Variants in CAMKMT observed in about 807,000 individuals in gnomAD.
CAMKMT encodes calmodulin-lysine N-methyltransferase, also known as CaM KMT.
CAMKMT carries 53 observed loss-of-function variants against 48.0 expected under a neutral mutation model. The ratio of observed to expected loss-of-function variants is 1.10; its 90% CI spans 0.89 to 1.39. The LOEUF (loss-of-function observed/expected upper bound fraction) is 1.39. CAMKMT is among the 40% of genes most tolerant of loss of function. The probability of loss-of-function intolerance (pLI) is 0.00; values close to 1 mark genes in which losing one functional copy is unlikely to be tolerated. For synonymous variants in CAMKMT, 165 were observed against 152.3 expected (o/e 1.08, Z -0.61); for missense variants, 428 against 402.7 (o/e 1.06, Z -0.54).
At chr2:44,575,703 C>G (rs1035674986) in intron 3 of CAMKMT, among the ~76,000 whole-genome samples, 3 of 151,970 alleles carry the variant, frequency 2.0e-5, no homozygotes, top group African/African-American at 7.2e-5. Context: ...AACCCCATCT[C>G]TCTACTAATA....
At position 44,444,971 on chromosome 2, in the gene CAMKMT, A is replaced by G. The variant is rs545378044; in HGVS notation, c.376+54666A>G. Among the ~76,000 whole-genome samples, 133 of 152,312 alleles carry G rather than the reference A, an allele frequency of 8.7e-4. 1 individual carries two copies. The highest frequency in any genetic ancestry group is 3.2e-3 in the African/African-American group (131 of 41,554). ...CAAATTCAATTCCAAGCTTTGGGTCAAAGCCCTGGGAAAGAAAACTGGATC... is the reference window on the plus strand; with the variant it reads ...CAAATTCAATTCCAAGCTTTGGGTCGAAGCCCTGGGAAAGAAAACTGGATC... On this transcript the variant is annotated intron_variant, in intron 3 of 10. Coordinates refer to ENST00000378494, the MANE Select transcript of CAMKMT (RefSeq NM_024766.5).
At chr2:44,421,917 A>G (rs1280465443) in intron 3 of CAMKMT, among the ~76,000 whole-genome samples, 1 of 152,214 alleles carries the variant, frequency 6.6e-6, no homozygotes, top group Admixed American at 6.5e-5. Flanking sequence ...ATATCAAGCA[A>G]TTCTCAGAGT....
chr2:44,768,838 A>G (rs553675141), intron 10 of CAMKMT, among the ~76,000 whole-genome samples: 19 of 152,202 alleles, frequency 1.2e-4, no homozygotes, highest in East Asian at 5.8e-4. Flanking sequence ...CTGCTCCCCA[A>G]TGGAGGAGCG....
intron 3 of CAMKMT, among the ~76,000 whole-genome samples, chr2:44,693,603 C>T (rs755573325): frequency 5.3e-5 from 8 of 152,186 alleles, no homozygotes; most frequent in Non-Finnish European, 1.2e-4. Flanking sequence ...CCACAGGACC[C>T]GAAACATTGT....
At chr2:44,497,898 G>T (rs112175824) in intron 3 of CAMKMT, among the ~76,000 whole-genome samples, 7 of 152,236 alleles carry the variant, frequency 4.6e-5, no homozygotes, top group African/African-American at 1.7e-4. Context: ...GAAATCTGGA[G>T]CAGGGAAGTT....
chr2:44,735,332 A>G (rs1452198348), intron 7 of CAMKMT, among the ~76,000 whole-genome samples: 1 of 152,068 alleles, frequency 6.6e-6, no homozygotes, highest in Non-Finnish European at 1.5e-5. Context: ...GAGCGTTCAG[A>G]CCATTTTTGT....
At position 44,585,289 on chromosome 2, in the gene CAMKMT, G is replaced by T. The variant is rs114261423; in HGVS notation, c.377-118994G>T. On this transcript the variant is annotated intron_variant, in intron 3 of 10. Transcript: ENST00000378494. ...TGCAAAGAGCAAATTGTACCAGATC[G>T]ATTTAATTTCCTTCATGAAGAGATT... 3.9e-5 allele frequency among the ~76,000 whole-genome samples: 6 copies of T among 152,136 alleles called. No homozygotes were observed. In the South Asian group the frequency reaches 1.0e-3, roughly 26 times the overall value.
intron 3 of CAMKMT, among the ~76,000 whole-genome samples, chr2:44,680,971 C>T (rs528823041): frequency 2.0e-5 from 3 of 152,168 alleles, no homozygotes; most frequent in Non-Finnish European, 4.4e-5. Flanking sequence ...CCTTTAACTT[C>T]TTGTCTTGTG....
chr2:44,746,613 C>T (rs910251507), intron 8 of CAMKMT, among the ~76,000 whole-genome samples: 1 of 152,074 alleles, frequency 6.6e-6, no homozygotes, highest in Non-Finnish European at 1.5e-5. Flanking sequence ...TCCTAAATAA[C>T]TTGTAAAATG....
chr2:44,499,691 C>A (rs755841107), intron 3 of CAMKMT, among the ~76,000 whole-genome samples: 23 of 152,302 alleles, frequency 1.5e-4, no homozygotes, highest in Non-Finnish European at 2.4e-4. Flanking sequence ...CTTGGGGTAT[C>A]CCAGATCTTC....
chr2:44,667,152 T>C (rs1251953868), intron 3 of CAMKMT, among the ~76,000 whole-genome samples: 1 of 152,180 alleles, frequency 6.6e-6, no homozygotes, highest in African/African-American at 2.4e-5. Context: ...GAGCCTCCAA[T>C]TCAGACCACC....
Position 44,769,116 on chromosome 2 carries a change from G to A in CAMKMT, c.894+2555G>A, listed in dbSNP as rs1680991434. Among the ~76,000 whole-genome samples, 3 of 148,010 alleles carry A rather than the reference G, an allele frequency of 2.0e-5. No homozygotes were observed. In the South Asian group the frequency reaches 6.5e-4, roughly 32 times the overall value. On this transcript the variant is annotated intron_variant, in intron 10 of 10. Coordinates refer to ENST00000378494, the MANE Select transcript of CAMKMT (RefSeq NM_024766.5). Reference sequence around the variant, plus strand: ...AGGGGAAAAAATTAGTTACTTGGCAGTAGTGCAAGGTAAAAAAAAAAAAAA... The same window carrying A: ...AGGGGAAAAAATTAGTTACTTGGCAATAGTGCAAGGTAAAAAAAAAAAAAA...
chr2:44,587,492 A>G (rs1266686758), intron 3 of CAMKMT, among the ~76,000 whole-genome samples: 1 of 77,900 alleles, frequency 1.3e-5, no homozygotes, highest in Non-Finnish European at 2.4e-5. Flanking sequence ...CTCTCTCTCC[A>G]CGGTCTCCTT....
intron 1 of CAMKMT, among the ~76,000 whole-genome samples, chr2:44,367,889 A>G (rs1433016307): frequency 6.6e-6 from 1 of 152,294 alleles, no homozygotes; most frequent in Admixed American, 6.5e-5. Context: ...TTTTCAACCA[A>G]TACTTTTGTG....
intron 3 of CAMKMT, among the ~76,000 whole-genome samples, chr2:44,506,508 C>A (rs1405376927): frequency 6.6e-6 from 1 of 152,062 alleles, no homozygotes; most frequent in African/African-American, 2.4e-5. Flanking sequence ...TGGTTTTAGT[C>A]AATATCTGTA....
chr2:44,513,186 A>G (rs1670654559), intron 3 of CAMKMT, among the ~76,000 whole-genome samples: 2 of 152,132 alleles, frequency 1.3e-5, no homozygotes, highest in South Asian at 2.1e-4. Flanking sequence ...GGCCTACTGC[A>G]GACAGCCAAA....
intron 3 of CAMKMT, among the ~76,000 whole-genome samples, chr2:44,469,061 G>A (rs1668277179): frequency 6.6e-6 from 1 of 152,108 alleles, no homozygotes; most frequent in Non-Finnish European, 1.5e-5. Flanking sequence ...GGAGAGGTTG[G>A]TTAATGTATA....
intron 3 of CAMKMT, among the ~76,000 whole-genome samples, chr2:44,662,572 T>G (rs896389085): frequency 6.6e-6 from 1 of 152,200 alleles, no homozygotes; most frequent in Admixed American, 6.5e-5. Context: ...TGTTTTCTGT[T>G]TTTGTCAGTG....
At chr2:44,665,533 GAACCA>G (rs1674918993) in intron 3 of CAMKMT, among the ~76,000 whole-genome samples, 1 of 152,190 alleles carries the variant, frequency 6.6e-6, no homozygotes, top group Non-Finnish European at 1.5e-5. Context: ...CATTGCCCTT[GAACCA>G]GGCAATGATA....
Sources: gnomAD v4.1 joint callset for allele counts (sites outside exome capture counted in the v4.1 genomes callset) on GRCh38, gnomAD v4.1.1 for gene constraint, MANE v1.5 for transcripts, NCBI Gene and HGNC (gene_info 2026-07-23, HGNC 2026-07-21) for gene names.